XXYLT1: variants seen among roughly 807,000 people sequenced by gnomAD.
The protein encoded by XXYLT1 is xyloside xylosyltransferase 1, also known as UDP-xylose:alpha-xyloside alpha-1,3-xylosyltransferase.
Under a neutral mutation model 28.9 loss-of-function variants are expected in XXYLT1, and 20 were observed. The ratio of observed to expected loss-of-function variants is 0.69; its 90% confidence interval spans 0.49 to 1.00. XXYLT1 has a LOEUF of 1.00. Ranked by LOEUF, XXYLT1 falls within the 50% of genes least tolerant of loss-of-function variation. The pLI is 0.00. For missense variants in XXYLT1, 542 were observed against 560.1 expected (o/e 0.97, Z 0.33); for synonymous variants, 257 against 253.8 (o/e 1.01, Z -0.12).
intron 2 of XXYLT1, among the ~76,000 whole-genome samples, chr3:195,218,997 G>A (rs373750219): frequency 0.03 from 4,501 of 152,012 alleles, 111 homozygotes; most frequent in East Asian, 0.097. Flanking sequence ...AAAAAATGAT[G>A]AGTTAATGTC....
chr3:195,244,057 A>T (rs1198913087), intron 1 of XXYLT1, among the ~76,000 whole-genome samples: 1 of 152,090 alleles, frequency 6.6e-6, no homozygotes, highest in Non-Finnish European at 1.5e-5. Flanking sequence ...CCTCACCCTC[A>T]TCTCCACCTC....
rs767311090 is a variant in XXYLT1, at chr3:195,255,522, T to C, written c.504+15033A>G. ...GTGGACGTGGAGCAAAGCCTTTCAT[T>C]GTCCACAAAACACAGACGACTGCAG... On this transcript the variant is annotated intron_variant, in intron 1 of 3. Coordinates refer to ENST00000310380, the MANE Select transcript of XXYLT1 (RefSeq NM_152531.5). The surrounding 1 kb of genome is among the most constrained non-coding windows in gnomAD (Gnocchi z 4.5). 5.3e-5 allele frequency among the ~76,000 whole-genome samples: 8 copies of C among 152,204 alleles called. No homozygotes were observed. The highest frequency in any genetic ancestry group is 1.0e-4 in the Non-Finnish European group (7 of 68,030).
In XXYLT1 at chr3:195,240,121, T is replaced by C. The variant is rs1243787586; in HGVS notation, c.505-13265A>G. ...TTCAGGCAAAGGTGTCCTCAAACAG[T>C]ACTTTGTTGTTCAAACTAAAATATG... On this transcript the variant is annotated intron_variant, in intron 1 of 3. Coordinates refer to ENST00000310380, the MANE Select transcript of XXYLT1 (RefSeq NM_152531.5). The surrounding 1 kb of genome is among the most constrained non-coding windows in gnomAD (Gnocchi z 4.7). 1.3e-5 allele frequency among the ~76,000 whole-genome samples: 2 copies of C among 152,244 alleles called. No individual in the cohort carries two copies. Among genetic ancestry groups the C allele is most frequent in the Non-Finnish European group, 2.9e-5 (2 of 68,040 alleles).
At chr3:195,169,407 G>A (rs1721285059) in intron 2 of XXYLT1, among the ~76,000 whole-genome samples, 1 of 152,242 alleles carries the variant, frequency 6.6e-6, no homozygotes, top group African/African-American at 2.4e-5. Flanking sequence ...CACGGTGCCA[G>A]CCCAGACTCA....
chr3:195,170,282 T>G (rs1432746306), intron 2 of XXYLT1, among the ~76,000 whole-genome samples: 1 of 152,244 alleles, frequency 6.6e-6, no homozygotes. Flanking sequence ...AATGGACATA[T>G]ATTGCTTTTG....
At chr3:195,247,677 C>A in intron 1 of XXYLT1, 1 of 598,088 alleles carries the variant, frequency 1.7e-6, no homozygotes, top group South Asian at 1.9e-5. Flanking sequence ...GACCCCAGGG[C>A]AGGCTCAGCT....
chr3:195,244,090 T>G (rs556991746), intron 1 of XXYLT1, among the ~76,000 whole-genome samples: 1 of 152,194 alleles, frequency 6.6e-6, no homozygotes, highest in South Asian at 2.1e-4. Flanking sequence ...CCATCACTAG[T>G]TTCTAGGTAA....
intron 3 of XXYLT1, among the ~76,000 whole-genome samples, chr3:195,097,031 C>T (rs1413204177): frequency 6.6e-6 from 1 of 152,244 alleles, no homozygotes; most frequent in Non-Finnish European, 1.5e-5. Context: ...TCCCGCCCAG[C>T]AGACCCCTCA....
intron 2 of XXYLT1, 128 bp from the exon 3 acceptor site, chr3:195,156,709 C>A (rs1190147192): frequency 4.0e-6 from 5 of 1,244,212 alleles, no homozygotes; most frequent in Non-Finnish European, 5.5e-6. Context: ...GAATGATGCA[C>A]AGTTACCGCT....
rs1722576107 is a variant in XXYLT1 at position 195,195,190 on chromosome 3, TC to T, written c.652+31518del. On this transcript the variant is annotated intron_variant, in intron 2 of 3. Transcript: ENST00000310380. This position sits in a 1 kb window ranked among gnomAD's most constrained non-coding sequence, Gnocchi z 4.4. ...TGCTATGGAGGGCCACTGAGAACCC[TC>T]CAGTGATAAAGCTGGCTACCGTTCT... Among the ~76,000 whole-genome samples, 1 of 152,210 alleles carries T rather than the reference TC, an allele frequency of 6.6e-6. No individual in the cohort carries two copies.
chr3:195,214,602 G>A (rs1468208474), intron 2 of XXYLT1, among the ~76,000 whole-genome samples: 2 of 152,106 alleles, frequency 1.3e-5, no homozygotes, highest in Admixed American at 6.5e-5. Flanking sequence ...GGGCAGTGGC[G>A]CCCTTGTGTC....
intron 3 of XXYLT1, among the ~76,000 whole-genome samples, chr3:195,132,425 C>G (rs576314915): frequency 1.3e-5 from 2 of 151,706 alleles, no homozygotes; most frequent in Non-Finnish European, 2.9e-5. Context: ...CAAGATCGCA[C>G]CACTGCATTC....
At chr3:195,128,398 C>T (rs974618306) in intron 3 of XXYLT1, among the ~76,000 whole-genome samples, 1 of 152,136 alleles carries the variant, frequency 6.6e-6, no homozygotes, top group Admixed American at 6.5e-5. Context: ...CATGTTTTCA[C>T]TCCTCTCCAA....
chr3:195,123,862 C>T (rs1162768777), intron 3 of XXYLT1, among the ~76,000 whole-genome samples: 1 of 152,176 alleles, frequency 6.6e-6, no homozygotes, highest in African/African-American at 2.4e-5. Flanking sequence ...AACCCTAATT[C>T]CAGCACACAG....
intron 3 of XXYLT1, among the ~76,000 whole-genome samples, chr3:195,073,724 TAAG>T (rs1404547577): frequency 2.0e-5 from 3 of 152,174 alleles, no homozygotes; most frequent in Admixed American, 6.5e-5. Context: ...AAATAAAAAT[TAAG>T]AAGCTTTAAG....
Position 195,207,374 on chromosome 3 carries a change from G to C in XXYLT1, c.652+19335C>G. ...GCCAGCCCTGCCCTTCTTCAACAGA[G>C]GGTTTGGAGGTTCTCAGGCAACAGG... On this transcript the variant is annotated intron_variant, in intron 2 of 3. Transcript: ENST00000310380. The C allele has an allele frequency of 7.0e-6, 3 of 430,938 alleles. No homozygotes were observed. In the Admixed American group the frequency reaches 7.6e-5, roughly 11 times the overall value. 26.7% of individuals were successfully genotyped at this position (430,938 alleles called of 1,614,324 possible).
In XXYLT1 at chr3:195,069,823, G is replaced by T. The variant is rs770471598; in HGVS notation, c.1074C>A (p.Thr358=). Reference sequence around the variant, plus strand: ...CACTGTAGCCATGGTCCCTCCACCAGGTGCACAGCTGCCGGTTCCAGGTAC... The same window carrying T: ...CACTGTAGCCATGGTCCCTCCACCATGTGCACAGCTGCCGGTTCCAGGTAC... ...LDCTWNRQLC[T]WWRDHGYSDV... is the part of the protein sequence containing the mutation. Residue 358 remains threonine, a synonymous_variant, in exon 4 of 4, where the codon ACC becomes ACA. Coordinates refer to ENST00000310380, the MANE Select transcript of XXYLT1 (RefSeq NM_152531.5). 6.2e-7 allele frequency: 1 copy of T among 1,614,178 alleles called. No individual in the cohort carries two copies.
rs950725773 is a variant in XXYLT1, at chr3:195,077,634, G to A, written c.786-7523C>T. On this transcript the variant is annotated intron_variant, in intron 3 of 3. Coordinates refer to ENST00000310380, the MANE Select transcript of XXYLT1 (RefSeq NM_152531.5). The surrounding 1 kb of genome is among the most constrained non-coding windows in gnomAD (Gnocchi z 4.8). ...CCATCTCTGTGGGGCCCTGTAAAGC[G>A]CGGCCTGGGGCTGGACGTCGTAGGG... Among the ~76,000 whole-genome samples, 2 of 152,202 alleles carry A rather than the reference G, an allele frequency of 1.3e-5. No homozygotes were observed. Among genetic ancestry groups the A allele is most frequent in the African/African-American group, 2.4e-5 (1 of 41,456 alleles).
intron 2 of XXYLT1, among the ~76,000 whole-genome samples, chr3:195,197,711 C>T (rs749203247): frequency 7.2e-5 from 11 of 152,336 alleles, no homozygotes; most frequent in Non-Finnish European, 1.2e-4. Flanking sequence ...TTCTCTGCTC[C>T]AGCGAAGCTG....
Sources: gnomAD v4.1 joint callset for allele counts (sites outside exome capture counted in the v4.1 genomes callset) on GRCh38, gnomAD v4.1.1 for gene constraint, Gnocchi (gnomAD v3.1) non-coding constraint, MANE v1.5 for transcripts, NCBI Gene and HGNC (gene_info 2026-07-23, HGNC 2026-07-21) for gene names.